Variants in GLI3 observed in about 807,000 individuals in gnomAD.
GLI3 encodes the protein GLI family zinc finger 3.
GLI3 carries 20 observed loss-of-function variants against 100.8 expected under a neutral mutation model. The observed-to-expected ratio is 0.20, with a 90% CI of 0.14 to 0.29. GLI3 has a LOEUF of 0.29. Ranked by LOEUF, GLI3 falls within the 10% of genes least tolerant of loss-of-function variation. GLI3 has a pLI of 1.00. For missense variants in GLI3, 2,040 were observed against 2,128.5 expected (o/e 0.96, Z 0.82); for synonymous variants, 938 against 860.5 (o/e 1.09, Z -1.58).
At chr7:42,150,754 G>C (rs925123632) in intron 2 of GLI3, among the ~76,000 whole-genome samples, 3 of 152,062 alleles carry the variant, frequency 2.0e-5, no homozygotes, top group African/African-American at 7.2e-5. Context: ...TCTTAAAACG[G>C]CATCCCTATA....
intron 3 of GLI3, among the ~76,000 whole-genome samples, chr7:42,135,792 G>A (rs1786414325): frequency 6.6e-6 from 1 of 152,304 alleles, no homozygotes; most frequent in South Asian, 2.1e-4. Flanking sequence ...ACCAAAGTCA[G>A]GAGACATGAA....
intron 7 of GLI3, among the ~76,000 whole-genome samples, chr7:42,035,495 G>A (rs1263942847): frequency 2.6e-5 from 4 of 152,342 alleles, no homozygotes; most frequent in Non-Finnish European, 5.9e-5. Flanking sequence ...ACTCAGAGGG[G>A]TGATGTGCAA....
chr7:42,021,364 T>C (rs750072664), intron 10 of GLI3, among the ~76,000 whole-genome samples: 2 of 152,226 alleles, frequency 1.3e-5, no homozygotes, highest in Non-Finnish European at 2.9e-5. Context: ...CGCATTCATA[T>C]TTTTTAAAGA....
At chr7:42,206,772 G>A (rs573003694) in intron 2 of GLI3, among the ~76,000 whole-genome samples, 1 of 152,056 alleles carries the variant, frequency 6.6e-6, no homozygotes, top group Non-Finnish European at 1.5e-5. Context: ...AAATTTTACA[G>A]AAAAAGAACC....
chr7:42,222,935 G>C, intron 2 of GLI3, 195 bp downstream of exon 2: 1 of 631,870 alleles, frequency 1.6e-6, no homozygotes, highest in Non-Finnish European at 2.8e-6. Flanking sequence ...GGAAGTCAAC[G>C]TGTAGGTTGA....
At chr7:42,036,855 A>C (rs1019530864) in intron 7 of GLI3, among the ~76,000 whole-genome samples, 1 of 152,120 alleles carries the variant, frequency 6.6e-6, no homozygotes, top group East Asian at 1.9e-4. Context: ...GTAAAACAAG[A>C]ATAAGGCCAG....
rs1475559392 is a variant in GLI3, at chr7:41,966,259, T to C, written c.2814A>G (p.Gly938=). Residue 938 remains glycine (G), a synonymous_variant, in exon 15 of 15, where the codon GGA becomes GGG. Transcript: ENST00000395925. This position sits in a 1 kb window ranked among gnomAD's most constrained non-coding sequence, Gnocchi z 5.8. ...RLKAKYAAAT[G]GPPPTPLPNM... is the part of the protein sequence containing the mutation. ...TGGGCAGGGGCGTCGGCGGCGGCCC[T>C]CCTGTGGCAGCCGCGTACTTGGCCT... 2 of 1,607,996 alleles carry C rather than the reference T, an allele frequency of 1.2e-6. No individual in the cohort carries two copies. Among genetic ancestry groups the C allele is most frequent in the Admixed American group, 1.7e-5 (1 of 59,954 alleles).
In GLI3 at chr7:42,172,862, T is replaced by G. The variant is rs2286292; in HGVS notation, c.125-24394A>C. Among the ~76,000 whole-genome samples the G allele has an allele frequency of 2.1e-3, 317 of 152,312 alleles. 6 individuals are homozygous for G. The East Asian group carries it at 0.03, about 14-fold the overall frequency. On this transcript the variant is annotated intron_variant, in intron 2 of 14. Coordinates refer to ENST00000395925, the MANE Select transcript of GLI3 (RefSeq NM_000168.6). ...ATCACTCTCACAGCAACCTTGCAAA[T>G]TATGAAGATTATTCCACATTTTACA...
chr7:42,015,313 G>A (rs972264420), intron 10 of GLI3, among the ~76,000 whole-genome samples: 2 of 152,114 alleles, frequency 1.3e-5, no homozygotes, highest in Non-Finnish European at 2.9e-5. Context: ...GTCGGGTGGA[G>A]TTGGTTTAAG....
chr7:42,228,445 C>T (rs988132069), intron 1 of GLI3, among the ~76,000 whole-genome samples: 11 of 152,210 alleles, frequency 7.2e-5, no homozygotes, highest in Admixed American at 2.0e-4. Context: ...AGTCTCCCTC[C>T]AGTGCAGAGA....
At chr7:42,209,466 A>T (rs994740622) in intron 2 of GLI3, among the ~76,000 whole-genome samples, 6 of 152,364 alleles carry the variant, frequency 3.9e-5, no homozygotes, top group African/African-American at 1.4e-4. Context: ...TTAATTTAAA[A>T]GGAATTCTGA....
rs1320847166 is a variant in GLI3, at chr7:41,964,111, C to T, written c.*219G>A. On this transcript the variant is annotated 3_prime_UTR_variant, in exon 15 of 15. Transcript: ENST00000395925. ...AGAGGGTGGTTTGAGTGTAACAATA[C>T]TGATTCAAAACTGAAATGGAAGACA... 1.3e-5 allele frequency: 5 copies of T among 399,936 alleles called. No individual in the cohort carries two copies. Among genetic ancestry groups the T allele is most frequent in the African/African-American group, 1.1e-4 (5 of 47,082 alleles). The allele number at this position is 399,936 out of a possible 1,614,324, so 24.8% of individuals were successfully genotyped here. A position where few individuals can be genotyped will look rare whatever the true frequency, so the allele number is the denominator to read the frequency against.
intron 4 of GLI3, among the ~76,000 whole-genome samples, chr7:42,064,639 G>T (rs1457221125): frequency 2.0e-5 from 3 of 152,138 alleles, no homozygotes; most frequent in African/African-American, 7.2e-5. Flanking sequence ...GTGCTCAAAG[G>T]AACTATTCAG....
upstream of GLI3, among the ~76,000 whole-genome samples, chr7:42,238,791 G>T (rs1309932041): frequency 6.6e-6 from 1 of 152,160 alleles, no homozygotes; most frequent in African/African-American, 2.4e-5. Context: ...AGAAAGAAAA[G>T]AAAGCCCCTG....
chr7:42,109,075 G>A (rs549021973), intron 3 of GLI3, among the ~76,000 whole-genome samples: 76 of 152,264 alleles, frequency 5.0e-4, no homozygotes, highest in Non-Finnish European at 8.4e-4. Flanking sequence ...GCATCTTAGC[G>A]CTGCATTCTG....
At chr7:42,255,095 T>C (rs1789072314) in intron 1 of GLI3, among the ~76,000 whole-genome samples, 2 of 152,008 alleles carry the variant, frequency 1.3e-5, no homozygotes, top group African/African-American at 4.8e-5. Flanking sequence ...TTTGCATCTT[T>C]GTGCATAGGA....
intron 10 of GLI3, among the ~76,000 whole-genome samples, chr7:41,997,510 G>A (rs17171994): frequency 0.029 from 4,464 of 152,094 alleles, 106 homozygotes; most frequent in Non-Finnish European, 0.038. Flanking sequence ...TGCTCTTTGC[G>A]GTCATATGAT....
At chr7:42,261,126 C>T (rs1789134415) in intron 1 of GLI3, among the ~76,000 whole-genome samples, 1 of 151,962 alleles carries the variant, frequency 6.6e-6, no homozygotes, top group Non-Finnish European at 1.5e-5. Context: ...CATCAGGAAG[C>T]TGACAATCAT....
At chr7:42,118,075 T>C (rs1785904731) in intron 3 of GLI3, 2 of 357,412 alleles carry the variant, frequency 5.6e-6, no homozygotes, top group Non-Finnish European at 9.9e-6. Context: ...AATTTGCCTT[T>C]CATACAGGGA....
Sources: allele counts gnomAD v4.1 joint callset (sites outside exome capture counted in the v4.1 genomes callset), GRCh38; gene constraint gnomAD v4.1.1; non-coding constraint Gnocchi (gnomAD v3.1); transcripts MANE v1.5; gene names NCBI Gene and HGNC (gene_info 2026-07-23, HGNC 2026-07-21).